Variants in ARHGEF10L observed in about 807,000 individuals in gnomAD.
The protein encoded by ARHGEF10L is Rho guanine nucleotide exchange factor 10 like.
Under a neutral mutation model 141.2 loss-of-function variants are expected in ARHGEF10L, and 69 were observed. The observed-to-expected ratio is 0.49, with a 90% confidence interval of 0.40 to 0.60. The LOEUF is 0.60. ARHGEF10L is among the 20% of genes least tolerant of loss of function. The probability of loss-of-function intolerance (pLI) is 0.00; values close to 1 mark genes in which losing one functional copy is unlikely to be tolerated. For synonymous variants in ARHGEF10L, 711 were observed against 718.5 expected, an observed-to-expected ratio of 0.99 and a Z score of 0.17; for missense variants, 1,482 against 1,734.3, an observed-to-expected ratio of 0.85 and a Z score of 2.58.
intron 1 of ARHGEF10L, among the ~76,000 whole-genome samples, chr1:17,568,112 T>C (rs1030506499): frequency 6.6e-6 from 1 of 152,128 alleles, no homozygotes; most frequent in South Asian, 2.1e-4. Flanking sequence ...AGGCAGTGCC[T>C]TCCTGGAGGG....
intron 26 of ARHGEF10L, among the ~76,000 whole-genome samples, chr1:17,677,988 A>G (rs1343866650): frequency 1.3e-5 from 2 of 151,774 alleles, no homozygotes; most frequent in African/African-American, 4.8e-5. Flanking sequence ...CTCCTTCCTC[A>G]TGGGGGCTGC....
intron 21 of ARHGEF10L, among the ~76,000 whole-genome samples, chr1:17,645,675 G>T (rs1310326983): frequency 6.6e-6 from 1 of 152,170 alleles, no homozygotes; most frequent in Non-Finnish European, 1.5e-5. Flanking sequence ...CATGGCGAGC[G>T]CTGGCACACT....
At chr1:17,664,930 A>G (rs2062874852) in intron 26 of ARHGEF10L, among the ~76,000 whole-genome samples, 1 of 152,168 alleles carries the variant, frequency 6.6e-6, no homozygotes, top group African/African-American at 2.4e-5. Context: ...AGCCCGGGCA[A>G]TGCTGAGGGT....
intron 3 of ARHGEF10L, among the ~76,000 whole-genome samples, chr1:17,588,075 T>C (rs990020235): frequency 2.0e-5 from 3 of 152,140 alleles, no homozygotes; most frequent in African/African-American, 7.2e-5. Context: ...GCTTCTGGGC[T>C]CTTAGAGTCT....
In ARHGEF10L at chr1:17,687,684, A is replaced by G. The variant is rs2064726949; in HGVS notation, c.3121A>G (p.Thr1041Ala). The change falls in exon 27 of 29, where the codon ACT becomes GCT. Residue 1041 changes from threonine to alanine, a missense_variant. Transcript: ENST00000361221. ...SSGTSIRLFHTETLEHLQEIN... is the reference protein window; with the variant it reads ...SSGTSIRLFHAETLEHLQEIN... ...CGGCACCTCCATCCGCCTCTTCCAC[A>G]CTGAGACCCTGGAGCATCTGCAAGA... 5 of 1,611,276 alleles carry G rather than the reference A, an allele frequency of 3.1e-6. No individual in the cohort carries two copies. The highest frequency in any genetic ancestry group is 4.2e-6 in the Non-Finnish European group (5 of 1,179,048).
At chr1:17,533,523 T>C in the ARHGEF10L span, among the ~76,000 whole-genome samples, 1 of 152,118 alleles carries the variant, frequency 6.6e-6, no homozygotes, top group South Asian at 2.1e-4. Flanking sequence ...TTCAGACTAG[T>C]CTCTCCTGAT....
At chr1:17,667,924 T>A (rs1368298255) in intron 26 of ARHGEF10L, among the ~76,000 whole-genome samples, 1 of 152,172 alleles carries the variant, frequency 6.6e-6, no homozygotes, top group Admixed American at 6.5e-5. Context: ...CCCTACCCCC[T>A]TGGAGGTGTG....
intron 26 of ARHGEF10L, among the ~76,000 whole-genome samples, chr1:17,672,082 C>G (rs1247602998): frequency 6.6e-6 from 1 of 152,190 alleles, no homozygotes; most frequent in Non-Finnish European, 1.5e-5. Flanking sequence ...GCCGGTACCT[C>G]TGCACTGGCC....
chr1:17,634,459 C>T, intron 16 of ARHGEF10L, 89 bp from the exon 17 acceptor site: 1 of 1,601,596 alleles, frequency 6.2e-7, no homozygotes, highest in Non-Finnish European at 8.6e-7. Flanking sequence ...TGCCCAGCCC[C>T]ATGGCTGGCC....
intron 22 of ARHGEF10L, among the ~76,000 whole-genome samples, chr1:17,650,732 C>CAAAAA (rs71575854): frequency 1.3e-5 from 1 of 77,910 alleles, no homozygotes; most frequent in Non-Finnish European, 2.5e-5. Context: ...GACCCTGTCT[C>CAAAAA]AAAAAAAAAA....
chr1:17,682,026 T>C (rs548942780), intron 26 of ARHGEF10L, among the ~76,000 whole-genome samples: 1 of 152,098 alleles, frequency 6.6e-6, no homozygotes, highest in Non-Finnish European at 1.5e-5. Flanking sequence ...ATCAGGACCA[T>C]CATTATTATT....
In ARHGEF10L at chr1:17,584,296, C is replaced by T. The variant is rs1051792617; in HGVS notation, c.38-3164C>T. The stretch of plus-strand genomic sequence containing the variant: ...TTGAGCTGAAGCCATCCTCCTGCCC[C>T]AGGCTCCCAAAGTGCTGGGATTACA... On this transcript the variant is annotated intron_variant, in intron 2 of 28. Coordinates refer to ENST00000361221, the MANE Select transcript of ARHGEF10L (RefSeq NM_018125.4). 4.6e-4 allele frequency among the ~76,000 whole-genome samples: 70 copies of T among 152,174 alleles called. 1 individual carries two copies. Among genetic ancestry groups the T allele is most frequent in the African/African-American group, 1.6e-3 (68 of 41,426 alleles).
chr1:17,670,658 G>A (rs1057402642), intron 26 of ARHGEF10L, among the ~76,000 whole-genome samples: 4 of 152,360 alleles, frequency 2.6e-5, no homozygotes, highest in African/African-American at 9.6e-5. Flanking sequence ...TGGCTTGTGG[G>A]AGGACAACAG....
At chr1:17,664,145 C>T (rs543930195) in intron 25 of ARHGEF10L, among the ~76,000 whole-genome samples, 8 of 151,022 alleles carry the variant, frequency 5.3e-5, no homozygotes, top group South Asian at 4.2e-4. Context: ...TGCATGTGTG[C>T]GGAATGAATG....
chr1:17,557,063 C>T (rs1319033919), intron 1 of ARHGEF10L, among the ~76,000 whole-genome samples: 1 of 149,970 alleles, frequency 6.7e-6, no homozygotes, highest in African/African-American at 2.4e-5. Flanking sequence ...GAAAATGTGG[C>T]CAAGTGCAGT....
the ARHGEF10L span, among the ~76,000 whole-genome samples, chr1:17,522,904 C>G: frequency 6.6e-6 from 1 of 151,994 alleles, no homozygotes; most frequent in African/African-American, 2.4e-5. Flanking sequence ...TTCTCCCTCT[C>G]CTAATGATAA....
rs756796990 is a variant in ARHGEF10L at position 17,623,011 on chromosome 1, C to T, written c.1036C>T (p.Leu346=). 6.2e-7 allele frequency: 1 copy of T among 1,613,418 alleles called. No homozygotes were observed. The highest frequency in any genetic ancestry group is 1.7e-5 in the Admixed American group (1 of 60,002). The change falls in exon 12 of 29, where the codon CTG becomes TTG. Residue 346 remains leucine, a synonymous_variant. Transcript: ENST00000361221. This position sits in a 1 kb window ranked among gnomAD's most constrained non-coding sequence, Gnocchi z 4.7. ...TCCCCGGCAGGACTACCGCAACCCC[C>T]TGATGGAGATGGAGCCCAAGGCGCT... The part of the protein sequence containing the change: ...KRILQDYRNP[L]MEMEPKALSA...
chr1:17,688,648 G>A (rs557783828), intron 27 of ARHGEF10L, among the ~76,000 whole-genome samples: 1 of 152,210 alleles, frequency 6.6e-6, no homozygotes, highest in African/African-American at 2.4e-5. Context: ...GCAGGTGGGG[G>A]CCTGGAGCTG....
intron 26 of ARHGEF10L, among the ~76,000 whole-genome samples, chr1:17,666,259 G>T (rs1328495041): frequency 1.3e-5 from 2 of 152,220 alleles, no homozygotes; most frequent in Non-Finnish European, 2.9e-5. Flanking sequence ...CTCATGGAGT[G>T]AGATGATGCT....
Sources: gnomAD v4.1 joint callset for allele counts (sites outside exome capture counted in the v4.1 genomes callset) on GRCh38, gnomAD v4.1.1 for gene constraint, Gnocchi (gnomAD v3.1) non-coding constraint, MANE v1.5 for transcripts, NCBI Gene and HGNC (gene_info 2026-07-23, HGNC 2026-07-21) for gene names.